PDGFC: variants seen among roughly 807,000 people sequenced by gnomAD.
PDGFC encodes the protein platelet-derived growth factor C.
Under a neutral mutation model 35.5 loss-of-function variants are expected in PDGFC, and 12 were observed. That is an observed-to-expected ratio of 0.34 (90% confidence interval 0.22 to 0.55). PDGFC has a LOEUF of 0.55. Ranked by LOEUF, PDGFC falls within the 20% of genes least tolerant of loss-of-function variation. The probability of loss-of-function intolerance (pLI) is 0.91; values close to 1 mark genes in which losing one functional copy is unlikely to be tolerated. For synonymous variants in PDGFC, 159 were observed against 148.8 expected (o/e 1.07, Z -0.50); for missense variants, 322 against 412.4 (o/e 0.78, Z 1.90).
intron 2 of PDGFC, among the ~76,000 whole-genome samples, chr4:156,813,888 C>T (rs574759437): frequency 2.6e-5 from 4 of 152,082 alleles, no homozygotes; most frequent in African/African-American, 9.7e-5. Context: ...GGTGACTCCA[C>T]GAGGGCTCAT....
chr4:156,820,644 C>T (rs1374230272), intron 2 of PDGFC, among the ~76,000 whole-genome samples: 1 of 152,074 alleles, frequency 6.6e-6, no homozygotes, highest in African/African-American at 2.4e-5. Context: ...GCCTGTAATA[C>T]TTTATGACTG....
chr4:156,840,962 T>C (rs191022637), intron 2 of PDGFC, among the ~76,000 whole-genome samples: 62 of 152,308 alleles, frequency 4.1e-4, no homozygotes, highest in African/African-American at 1.4e-3. Context: ...TGTACCCCCA[T>C]TGTATCTAGG....
At chr4:156,854,291 A>C (rs1042384569) in intron 1 of PDGFC, among the ~76,000 whole-genome samples, 2 of 152,300 alleles carry the variant, frequency 1.3e-5, no homozygotes, top group Admixed American at 1.3e-4. Flanking sequence ...AATTGAGAAA[A>C]CTACATAGCT....
At chr4:156,824,285 C>CATATATATATATATATATATAT (rs58698115) in intron 2 of PDGFC, among the ~76,000 whole-genome samples, 3 of 92,878 alleles carry the variant, frequency 3.2e-5, no homozygotes, top group Non-Finnish European at 6.1e-5. Flanking sequence ...ACAATGTAAG[C>CATATATATATATATATATATAT]ATATATATAT....
At chr4:156,832,182 C>G (rs1052047149) in intron 2 of PDGFC, among the ~76,000 whole-genome samples, 4 of 150,440 alleles carry the variant, frequency 2.7e-5, no homozygotes, top group African/African-American at 7.3e-5. Flanking sequence ...CACTATTTCT[C>G]CACACCACTT....
At chr4:156,864,207 G>T (rs1053437479) in intron 1 of PDGFC, among the ~76,000 whole-genome samples, 3 of 152,112 alleles carry the variant, frequency 2.0e-5, no homozygotes, top group African/African-American at 7.2e-5. Context: ...TGTAAGGGTT[G>T]GTTTCTGAAC....
chr4:156,773,674 T>C (rs1414297184), intron 3 of PDGFC: 1 of 152,138 alleles, frequency 6.6e-6, no homozygotes, highest in Non-Finnish European at 1.5e-5. Flanking sequence ...TTATTTCACA[T>C]ACGAAAAAAG....
intron 5 of PDGFC, among the ~76,000 whole-genome samples, chr4:156,764,068 A>C (rs892299380): frequency 1.3e-5 from 2 of 152,174 alleles, no homozygotes; most frequent in African/African-American, 4.8e-5. Context: ...AAAGTTTAGG[A>C]AATTGTATTT....
At position 156,762,511 on chromosome 4, in the gene PDGFC, A is replaced by G. The variant is rs1224125192; in HGVS notation, c.*579T>C. 1 of 152,200 alleles carries G rather than the reference A, an allele frequency of 6.6e-6. No homozygotes were observed. Among genetic ancestry groups the G allele is most frequent in the Non-Finnish European group, 1.5e-5 (1 of 68,034 alleles). 9.4% of individuals were successfully genotyped at this position (152,200 alleles called of 1,614,324 possible). A position where few individuals can be genotyped will look rare whatever the true frequency, so the allele number is the denominator to read the frequency against. On this transcript the variant is annotated 3_prime_UTR_variant, in exon 6 of 6. Transcript: ENST00000502773. ...AGAAATTTTAATAAGAAATATGAAA[A>G]ATCCAGTCTGTCCTATCAGCACGAC...
chr4:156,846,256 G>A (rs1220243553), intron 2 of PDGFC, among the ~76,000 whole-genome samples: 1 of 151,756 alleles, frequency 6.6e-6, no homozygotes, highest in Non-Finnish European at 1.5e-5. Context: ...AGAGAAATCT[G>A]GTGGATAGTC....
chr4:156,851,572 A>G (rs1195737031), intron 1 of PDGFC, among the ~76,000 whole-genome samples: 4 of 152,132 alleles, frequency 2.6e-5, no homozygotes, highest in Non-Finnish European at 5.9e-5. Flanking sequence ...CCCACAATTG[A>G]TAAGTTATAA....
At chr4:156,885,829 G>C (rs1338358539) in intron 1 of PDGFC, among the ~76,000 whole-genome samples, 2 of 152,092 alleles carry the variant, frequency 1.3e-5, no homozygotes, top group East Asian at 3.9e-4. Context: ...AGGTGGCAGG[G>C]AGATATAAAT....
chr4:156,888,241 A>C (rs1730421955), intron 1 of PDGFC, among the ~76,000 whole-genome samples: 1 of 152,124 alleles, frequency 6.6e-6, no homozygotes, highest in African/African-American at 2.4e-5. Flanking sequence ...TTCTTTATGC[A>C]CTTATCAGAA....
intron 1 of PDGFC, among the ~76,000 whole-genome samples, chr4:156,931,796 C>T (rs1731555022): frequency 6.6e-6 from 1 of 151,978 alleles, no homozygotes; most frequent in South Asian, 2.1e-4. Flanking sequence ...GGATTTTAAA[C>T]ACTACATTTA....
intron 1 of PDGFC, among the ~76,000 whole-genome samples, chr4:156,892,496 T>G (rs1380905343): frequency 6.6e-6 from 1 of 152,040 alleles, no homozygotes; most frequent in Non-Finnish European, 1.5e-5. Context: ...TTACCACAAC[T>G]CTCAAATAGA....
At chr4:156,874,848 C>T (rs1730073788) in intron 1 of PDGFC, among the ~76,000 whole-genome samples, 1 of 151,824 alleles carries the variant, frequency 6.6e-6, no homozygotes, top group African/African-American at 2.4e-5. Context: ...TCTTGAGTAG[C>T]TAGGACTACA....
chr4:156,763,363 C>CAAA (rs33986749), intron 5 of PDGFC, among the ~76,000 whole-genome samples, 157 bp from the exon 6 acceptor site: 48 of 97,128 alleles, frequency 4.9e-4, no homozygotes, highest in Admixed American at 6.7e-4. Flanking sequence ...ACTCTCCCAC[C>CAAA]AAAAAAAAAA....
intron 3 of PDGFC, among the ~76,000 whole-genome samples, chr4:156,782,392 A>G (rs2110851175): frequency 6.6e-6 from 1 of 152,310 alleles, no homozygotes; most frequent in South Asian, 2.1e-4. Context: ...TGGTATCTTA[A>G]TTACAGTGTA....
intron 1 of PDGFC, among the ~76,000 whole-genome samples, chr4:156,952,457 T>C (rs193162040): frequency 1.3e-5 from 2 of 152,004 alleles, no homozygotes; most frequent in East Asian, 3.9e-4. Flanking sequence ...TGTTACTCAC[T>C]GAAATTATTG....
Sources: allele counts gnomAD v4.1 joint callset (sites outside exome capture counted in the v4.1 genomes callset), GRCh38; gene constraint gnomAD v4.1.1; transcripts MANE v1.5; gene names NCBI Gene and HGNC (gene_info 2026-07-23, HGNC 2026-07-21).